The following NECAP2 variants were observed in gnomAD, a reference collection of about 807,000 sequenced individuals.
NECAP2 encodes NECAP endocytosis associated 2.
NECAP2 carries 38 observed loss-of-function variants against 37.8 expected under a neutral mutation model. That is an observed-to-expected ratio of 1.01 (90% CI 0.78 to 1.32). NECAP2 has a LOEUF of 1.32. NECAP2 is among the 40% of genes most tolerant of loss of function. The pLI, the probability that NECAP2 is intolerant of heterozygous loss-of-function variation, is 0.00. For missense variants in NECAP2, 316 were observed against 334.5 expected (o/e 0.94, Z 0.43); for synonymous variants, 121 against 127.7 (o/e 0.95, Z 0.35).
chr1:16,452,203 T>C (rs370368437), intron 6 of NECAP2, among the ~76,000 whole-genome samples, 188 bp downstream of exon 6: 1 of 152,204 alleles, frequency 6.6e-6, no homozygotes, highest in African/African-American at 2.4e-5. Flanking sequence ...CTACTTGGCC[T>C]TTAGGGCGTC....
At chr1:16,448,330 T>G in intron 4 of NECAP2, 189 bp downstream of exon 4, 1 of 633,166 alleles carries the variant, frequency 1.6e-6, no homozygotes, top group Non-Finnish European at 2.8e-6. Flanking sequence ...CTCTTTTACC[T>G]GAGGCTCATC....
In NECAP2 at chr1:16,444,664, C is replaced by T. The variant is rs187571323; in HGVS notation, c.193+932C>T. On this transcript the variant is annotated intron_variant, in intron 2 of 7. Coordinates refer to ENST00000337132, the MANE Select transcript of NECAP2 (RefSeq NM_018090.5). ...CAACCCAAAGCATTGATGTGTTCTT[C>T]GGGAACTTGGGTACTGGCGGCAGAG... 5.6e-4 allele frequency among the ~76,000 whole-genome samples: 85 copies of T among 152,254 alleles called. 1 individual carries two copies. In the East Asian group the frequency reaches 0.013, roughly 24 times the overall value.
At chr1:16,450,602 C>T in intron 5 of NECAP2, 1 of 153,830 alleles carries the variant, frequency 6.5e-6, no homozygotes, top group South Asian at 2.0e-4. Flanking sequence ...GTATAATGTG[C>T]ATGTAAAAAA....
chr1:16,452,607 C>T (rs2086861605), intron 6 of NECAP2, among the ~76,000 whole-genome samples: 2 of 152,180 alleles, frequency 1.3e-5, no homozygotes, highest in South Asian at 4.1e-4. Flanking sequence ...AATGAGATTT[C>T]GTTTGGAGTG....
chr1:16,451,881 G>A lies in NECAP2; in HGVS notation c.533G>A (p.Arg178Gln), dbSNP rs201377133. 1.3e-5 allele frequency: 21 copies of A among 1,614,056 alleles called. No homozygotes were observed. The highest frequency in any genetic ancestry group is 1.7e-4 in the Middle Eastern group (1 of 6,058). ...KEGAAGNPRV[R>Q]PASTGGLSLL... ...GGAGCAGCTGGGAATCCCCGAGTCC[G>A]GCCTGCCAGCACAGGAGGGCTGAGC... Residue 178 changes from arginine to glutamine, a missense_variant, in exon 6 of 8, where the codon CGG becomes CAG. Arg to Gln is a conservative substitution (Grantham distance 43). Coordinates refer to ENST00000337132, the MANE Select transcript of NECAP2 (RefSeq NM_018090.5).
Position 16,443,706 on chromosome 1 carries a change from A to G in NECAP2, c.167A>G (p.Tyr56Cys). Residue 56 changes from tyrosine (Y) to cysteine (C), a missense_variant, in exon 2 of 8, where the codon TAC (tyrosine) becomes TGC (cysteine). This residue lies in a region of NECAP2 where 81 missense variants were observed against 124.2 expected (regional missense o/e 0.65). Transcript: ENST00000337132. ...LRITAKGQMA[Y>C]IKLEDRTSGE... ...ATCACTGCAAAGGGACAGATGGCCT[A>G]CATCAAGCTGGAGGACAGGACGTCA... 6.2e-7 allele frequency: 1 copy of G among 1,613,032 alleles called. No homozygotes were observed. The highest frequency in any genetic ancestry group is 8.5e-7 in the Non-Finnish European group (1 of 1,179,814).
chr1:16,449,022 G>C (rs1169826552), intron 4 of NECAP2, 71 bp from the exon 5 acceptor site: 2 of 985,900 alleles, frequency 2.0e-6, no homozygotes, highest in African/African-American at 3.2e-5. Context: ...AGGCAGTAGT[G>C]AAGTGAGCCA....
At position 16,459,105 on chromosome 1, in the gene NECAP2, C is replaced by T; in HGVS notation, c.*215C>T. ...GGGATTCAAGTATGCAACCAGAACA[C>T]AGGAGAAGAAAAGCTCCAGGATCCC... On this transcript the variant is annotated 3_prime_UTR_variant, in exon 8 of 8. Transcript: ENST00000337132. 1 of 1,120,370 alleles carries T rather than the reference C, an allele frequency of 8.9e-7. No individual in the cohort carries two copies. The highest frequency in any genetic ancestry group is 1.7e-5 in the South Asian group (1 of 60,416). The allele number at this position is 1,120,370 out of a possible 1,614,324, so 69.4% of individuals were successfully genotyped here. A position where few individuals can be genotyped will look rare whatever the true frequency, so the allele number is the denominator to read the frequency against.
chr1:16,441,726 T>TA (rs760294467), intron 1 of NECAP2: 4 of 152,290 alleles, frequency 2.6e-5, no homozygotes, highest in Non-Finnish European at 4.4e-5. Flanking sequence ...TTTTCGGAAA[T>TA]ACAGGATTGG....
intron 4 of NECAP2, among the ~76,000 whole-genome samples, chr1:16,448,678 CT>C (rs1355255865): frequency 6.6e-6 from 1 of 152,116 alleles, no homozygotes; most frequent in African/African-American, 2.4e-5. Flanking sequence ...TTGCCCTCTA[CT>C]TTTGGGTATC....
At chr1:16,441,239 C>T (rs1278222045) in intron 1 of NECAP2, 1 of 194,850 alleles carries the variant, frequency 5.1e-6, no homozygotes, top group Non-Finnish European at 1.1e-5. Flanking sequence ...ACGGAAATCC[C>T]CGAGAGGAGG....
intron 6 of NECAP2, 111 bp from the exon 7 acceptor site, chr1:16,455,707 A>G: frequency 1.2e-6 from 1 of 851,882 alleles, no homozygotes; most frequent in Admixed American, 1.9e-5. Flanking sequence ...ACCTGGTGTC[A>G]TGAGACTGAT....
At chr1:16,458,494 G>T (rs1425813395) in intron 7 of NECAP2, among the ~76,000 whole-genome samples, 1 of 152,046 alleles carries the variant, frequency 6.6e-6, no homozygotes, top group Non-Finnish European at 1.5e-5. Context: ...GGGAGGCTGA[G>T]GTAGGAGGAT....
At chr1:16,453,220 C>T (rs2086871988) in intron 6 of NECAP2, among the ~76,000 whole-genome samples, 1 of 151,722 alleles carries the variant, frequency 6.6e-6, no homozygotes, top group African/African-American at 2.4e-5. Flanking sequence ...AGTGATTCTC[C>T]TGCCTCAGCC....
intron 6 of NECAP2, among the ~76,000 whole-genome samples, chr1:16,454,625 G>A (rs964189146): frequency 4.6e-5 from 7 of 152,188 alleles, no homozygotes; most frequent in African/African-American, 1.7e-4. Flanking sequence ...CCAAAGTGCT[G>A]GGATTACAGG....
chr1:16,449,411 T>A (rs1329931928), intron 5 of NECAP2: 1 of 526,224 alleles, frequency 1.9e-6, no homozygotes, highest in East Asian at 3.2e-5. Context: ...AAAAATGTGA[T>A]AACAACATGG....
chr1:16,459,671 G>T lies in NECAP2; in HGVS notation c.*781G>T, dbSNP rs771006938. On this transcript the variant is annotated 3_prime_UTR_variant, in exon 8 of 8. Coordinates refer to ENST00000337132, the MANE Select transcript of NECAP2 (RefSeq NM_018090.5). ...GAGCCAAGGCGGGTGCTGGAAGCCAGACGGAACAGTGTTGGGGCAGGAAGG... is the reference window on the plus strand; with the variant it reads ...GAGCCAAGGCGGGTGCTGGAAGCCATACGGAACAGTGTTGGGGCAGGAAGG... The T allele has an allele frequency of 6.6e-6, 1 of 152,424 alleles. No individual in the cohort carries two copies. The highest frequency in any genetic ancestry group is 1.5e-5 in the Non-Finnish European group (1 of 68,176). The allele number at this position is 152,424 out of a possible 1,614,324, so 9.4% of individuals were successfully genotyped here. A position where few individuals can be genotyped will look rare whatever the true frequency, so the allele number is the denominator to read the frequency against.
intron 6 of NECAP2, among the ~76,000 whole-genome samples, chr1:16,453,210 A>G (rs1294519824): frequency 2.6e-5 from 4 of 151,726 alleles, no homozygotes; most frequent in Non-Finnish European, 2.9e-5. Flanking sequence ...CCTGGGTTCA[A>G]GTGATTCTCC....
intron 2 of NECAP2, 123 bp downstream of exon 2, chr1:16,443,855 T>G (rs1240842771): frequency 1.4e-6 from 1 of 716,498 alleles, no homozygotes; most frequent in East Asian, 2.7e-5. Context: ...ATCAGAGACG[T>G]GTGTGTACCT....
Sources: allele counts gnomAD v4.1 joint callset (sites outside exome capture counted in the v4.1 genomes callset), GRCh38; gene constraint gnomAD v4.1.1; regional missense constraint gnomAD v4.1.1; transcripts MANE v1.5; gene names NCBI Gene and HGNC (gene_info 2026-07-23, HGNC 2026-07-21).